The following SCN1A variants were observed in gnomAD, a reference collection of about 807,000 sequenced individuals.
SCN1A encodes the protein sodium voltage-gated channel alpha subunit 1, also known as sodium channel protein type 1 subunit alpha.
In SCN1A, 13 loss-of-function variants were observed where a neutral mutation model predicts 193.7. That is an observed-to-expected ratio of 0.07 (90% CI 0.04 to 0.11). The LOEUF (loss-of-function observed/expected upper bound fraction) is 0.11, where lower values mean the gene tolerates loss of function less well. SCN1A is among the 10% of genes least tolerant of loss of function. The pLI is 1.00. For missense variants in SCN1A, 1,432 were observed against 2,451.1 expected, an observed-to-expected ratio of 0.58 and a Z score of 8.78; for synonymous variants, 781 against 843.6, an observed-to-expected ratio of 0.93 and a Z score of 1.29.
chr2:166,063,793 T>A (rs1340149637), intron 4 of SCN1A, among the ~76,000 whole-genome samples: 4 of 152,108 alleles, frequency 2.6e-5, no homozygotes, highest in Non-Finnish European at 4.4e-5. Flanking sequence ...CATTTGGGAA[T>A]GAAATTGATA....
intron 3 of SCN1A, among the ~76,000 whole-genome samples, chr2:166,074,967 G>A (rs1684848039): frequency 1.3e-5 from 2 of 152,144 alleles, no homozygotes; most frequent in Admixed American, 6.5e-5. Context: ...GTTTTCAGCG[G>A]TTCTTAGAAC....
chr2:166,072,439 T>TC (rs1684525804), intron 4 of SCN1A, among the ~76,000 whole-genome samples: 1 of 152,214 alleles, frequency 6.6e-6, no homozygotes, highest in Admixed American at 6.5e-5. Context: ...GTTTATAGGT[T>TC]CTTCAGGTTA....
intron 5 of SCN1A, among the ~76,000 whole-genome samples, chr2:166,057,013 G>A (rs920682767): frequency 7.2e-5 from 11 of 152,062 alleles, no homozygotes; most frequent in Non-Finnish European, 1.0e-4. Context: ...TAATTGTTGG[G>A]TTGCTCTATT....
Position 165,994,364 on chromosome 2 carries a change from A to G in SCN1A, c.4634T>C (p.Ile1545Thr). 1 of 1,613,014 alleles carries G rather than the reference A, an allele frequency of 6.2e-7. No individual in the cohort carries two copies. Among genetic ancestry groups the G allele is most frequent in the Non-Finnish European group, 8.5e-7 (1 of 1,179,366 alleles). The change falls in exon 28 of 29, where the codon ATA becomes ACA. Residue 1545 changes from isoleucine (I) to threonine (T), a missense_variant. By Grantham distance (89) the Ile-to-Thr change is moderately conservative. Transcript: ENST00000674923. ...FDFVTRQVFD[I>T]SIMILICLNM... The stretch of plus-strand genomic sequence containing the variant: ...AAGACAGATGAGAATCATGATGCTT[A>G]TGTCAAAAACTTGTCTGGTTACGAA...
intron 10 of SCN1A, 66 bp from the exon 11 acceptor site, chr2:166,047,834 A>G (rs1486235393): frequency 6.3e-6 from 10 of 1,597,372 alleles, no homozygotes; most frequent in African/African-American, 2.7e-5. Flanking sequence ...ATACTATGCT[A>G]TGATATTGCC....
intron 2 of SCN1A, among the ~76,000 whole-genome samples, chr2:166,096,013 G>A (rs1189773421): frequency 2.0e-5 from 3 of 152,200 alleles, no homozygotes; most frequent in South Asian, 2.1e-4. Flanking sequence ...TTATTCTAAA[G>A]TTTTCAAGAA....
At chr2:166,003,207 A>C (rs1691179430) in intron 23 of SCN1A, among the ~76,000 whole-genome samples, 1 of 151,534 alleles carries the variant, frequency 6.6e-6, no homozygotes, top group Non-Finnish European at 1.5e-5. Context: ...ATAACTTAAA[A>C]ATTCAGATGA....
At chr2:166,052,181 G>T (rs1698649998) in intron 8 of SCN1A, among the ~76,000 whole-genome samples, 193 bp from the exon 9 acceptor site, 1 of 151,972 alleles carries the variant, frequency 6.6e-6, no homozygotes, top group African/African-American at 2.4e-5. Context: ...TTTAAACAAT[G>T]AAATGAAGAT....
At position 166,037,779 on chromosome 2, in the gene SCN1A, T is replaced by G; in HGVS notation, c.2943A>C (p.Leu981=). ...CATATCTTAAGTGGGTACATACCAC[T>G]AGGTTTCCAATCACCATGACCATCA... ...VFMMVMVIGN[L]VVLNLFLALL... Residue 981 remains leucine (L), a synonymous_variant, in exon 18 of 29, where the codon CTA becomes CTC. Coordinates refer to ENST00000674923, the MANE Select transcript of SCN1A (RefSeq NM_001165963.4). 1 of 1,614,132 alleles carries G rather than the reference T, an allele frequency of 6.2e-7. No individual in the cohort carries two copies. The highest frequency in any genetic ancestry group is 1.7e-5 in the Admixed American group (1 of 60,016).
downstream of SCN1A, chr2:165,985,763 G>A (rs1249915586): frequency 6.6e-6 from 1 of 152,140 alleles, no homozygotes; most frequent in African/African-American, 2.4e-5. Context: ...GACAACCTCA[G>A]TGGGATATTT....
intron 1 of SCN1A, among the ~76,000 whole-genome samples, chr2:166,145,142 AT>A (rs10527781): frequency 0.021 from 2,672 of 125,908 alleles, 9 homozygotes; most frequent in East Asian, 0.046. Flanking sequence ...GGCCTAAGTA[AT>A]TTTTTTTTTT....
chr2:165,991,090 G>T lies in SCN1A; in HGVS notation c.*155C>A. On this transcript the variant is annotated 3_prime_UTR_variant, in exon 29 of 29. Transcript: ENST00000674923. ...CACAGAGTCACAGTTTGCTGACAAG[G>T]GGTCACTGTCTTATTGTAGGCACTG... is the stretch of plus-strand genomic sequence containing the variant. 2 of 653,868 alleles carry T rather than the reference G, an allele frequency of 3.1e-6. No homozygotes were observed. The highest frequency in any genetic ancestry group is 5.2e-6 in the Non-Finnish European group (2 of 385,292). The allele number at this position is 653,868 out of a possible 1,614,324, so 40.5% of individuals were successfully genotyped here.
intron 1 of SCN1A, among the ~76,000 whole-genome samples, chr2:166,147,814 CT>C (rs1282932695): frequency 6.6e-6 from 1 of 152,116 alleles, no homozygotes; most frequent in Non-Finnish European, 1.5e-5. Context: ...CAATGTGCTG[CT>C]GTTAATATGG....
At chr2:166,075,782 T>A (rs972106878) in intron 3 of SCN1A, among the ~76,000 whole-genome samples, 4 of 152,040 alleles carry the variant, frequency 2.6e-5, no homozygotes, top group African/African-American at 9.7e-5. Flanking sequence ...CTTATTCTCC[T>A]GACAGCAATG....
At chr2:166,044,978 A>T in intron 13 of SCN1A, 65 bp downstream of exon 13, 1 of 1,518,844 alleles carries the variant, frequency 6.6e-7, no homozygotes, top group Non-Finnish European at 9.1e-7. Context: ...CCATTTTCTA[A>T]TTCTCCCCCT....
At chr2:166,080,981 A>G (rs1209806993) in intron 2 of SCN1A, among the ~76,000 whole-genome samples, 1 of 151,896 alleles carries the variant, frequency 6.6e-6, no homozygotes, top group East Asian at 1.9e-4. Flanking sequence ...TTACTAATTC[A>G]TTACTTATCA....
chr2:166,123,223 CAAAAAAAAAAAAAAAAAAAAAAA>C lies in SCN1A; in HGVS notation c.-142+3678_-142+3700del, dbSNP rs57488795. ...AATCACATTCCTACTCATTCATTTGCAAAAAAAAAAAAAAAAAAAAAAAAAAAAAAAAAAAAAAAGATTTGTTC... is the reference window on the plus strand; with the variant it reads ...AATCACATTCCTACTCATTCATTTGCAAAAAAAAAAAAAAAAGATTTGTTC... On this transcript the variant is annotated intron_variant, in intron 2 of 28. Transcript: ENST00000674923. 2.6e-3 allele frequency among the ~76,000 whole-genome samples: 298 copies of C among 116,372 alleles called. 3 individuals are homozygous for C. Among genetic ancestry groups the C allele is most frequent in the Admixed American group, 2.1e-3 (22 of 10,428 alleles). 76.3% of individuals were successfully genotyped at this position (116,372 alleles called of 152,430 possible). A position where few individuals can be genotyped will look rare whatever the true frequency, so the allele number is the denominator to read the frequency against.
At chr2:166,058,309 C>T (rs1384451119) in intron 5 of SCN1A, among the ~76,000 whole-genome samples, 1 of 151,810 alleles carries the variant, frequency 6.6e-6, no homozygotes, top group Non-Finnish European at 1.5e-5. Context: ...GGATTCAATA[C>T]ATATAAGTGT....
At position 165,986,943 on chromosome 2, in the gene SCN1A, A is replaced by C. The variant is rs373487564; in HGVS notation, c.*4302T>G. The C allele has an allele frequency of 6.6e-6, 1 of 152,226 alleles. No individual in the cohort carries two copies. The highest frequency in any genetic ancestry group is 2.1e-4 in the South Asian group (1 of 4,826). The allele number at this position is 152,226 out of a possible 1,614,324, so 9.4% of individuals were successfully genotyped here. A position where few individuals can be genotyped will look rare whatever the true frequency, so the allele number is the denominator to read the frequency against. On this transcript the variant is annotated 3_prime_UTR_variant, in exon 29 of 29. Transcript: ENST00000674923. ...TCTTAACAAAATTAGGAAAATTAACACTATTATAATACTAATAACTAATAA... is the reference window on the plus strand; with the variant it reads ...TCTTAACAAAATTAGGAAAATTAACCCTATTATAATACTAATAACTAATAA...
Sources: allele counts gnomAD v4.1 joint callset (sites outside exome capture counted in the v4.1 genomes callset), GRCh38; gene constraint gnomAD v4.1.1; transcripts MANE v1.5; gene names NCBI Gene and HGNC (gene_info 2026-07-23, HGNC 2026-07-21).